OTOGL: variants seen among roughly 807,000 people sequenced by gnomAD.
OTOGL encodes otogelin like.
A neutral mutation model predicts 318.5 loss-of-function variants in OTOGL; 285 were observed. The observed-to-expected ratio is 0.89, with a 90% CI of 0.81 to 0.99. The LOEUF (loss-of-function observed/expected upper bound fraction) is 0.99, where lower values mean the gene tolerates loss of function less well. Ranked by LOEUF, OTOGL falls within the 50% of genes least tolerant of loss-of-function variation. OTOGL has a pLI of 0.00. For missense variants in OTOGL, 2,899 were observed against 2,845.6 expected, an observed-to-expected ratio of 1.02 and a Z score of -0.43; for synonymous variants, 987 against 936.5, an observed-to-expected ratio of 1.05 and a Z score of -0.99.
chr12:80,335,602 A>G (rs186488321), intron 38 of OTOGL, among the ~76,000 whole-genome samples: 120 of 152,228 alleles, frequency 7.9e-4, no homozygotes, highest in African/African-American at 2.8e-3. Context: ...ATTATGACAC[A>G]TGAAGTTATA....
Position 80,358,734 on chromosome 12 carries a change from A to G in OTOGL, c.6185A>G (p.Lys2062Arg). 2 of 1,613,088 alleles carry G rather than the reference A, an allele frequency of 1.2e-6. No homozygotes were observed. The highest frequency in any genetic ancestry group is 2.7e-5 in the African/African-American group (2 of 75,052). Reference sequence around the variant, plus strand: ...TGTGCAGAAGATATGAATCTTGTGAAAGAAAATGTATCTGGTCAATGTTGC... The same window carrying G: ...TGTGCAGAAGATATGAATCTTGTGAGAGAAAATGTATCTGGTCAATGTTGC... ...LNCAEDMNLV[K>R]ENVSGQCCPT... is the part of the protein sequence containing the mutation. Residue 2062 changes from lysine to arginine, a missense_variant, in exon 51 of 59, where the codon AAA (lysine) becomes AGA (arginine). Lys to Arg is a conservative substitution (Grantham distance 26, BLOSUM62 2). Transcript: ENST00000547103.
At chr12:80,191,686 A>G (rs542417049) in intron 1 of OTOGL, among the ~76,000 whole-genome samples, 1 of 152,358 alleles carries the variant, frequency 6.6e-6, no homozygotes, top group East Asian at 1.9e-4. Flanking sequence ...TATTGACAAC[A>G]GGTGGTGTTA....
At chr12:80,149,945 C>T (rs1172197131) in intron 1 of OTOGL, among the ~76,000 whole-genome samples, 1 of 152,146 alleles carries the variant, frequency 6.6e-6, no homozygotes, top group South Asian at 2.1e-4. Context: ...TGACCTGCGC[C>T]CACTGTCTGG....
At chr12:80,142,223 G>A (rs1592488520) in intron 1 of OTOGL, among the ~76,000 whole-genome samples, 1 of 152,186 alleles carries the variant, frequency 6.6e-6, no homozygotes, top group South Asian at 2.1e-4. Context: ...AATATAAACA[G>A]GTAAAATTAC....
chr12:80,174,913 C>T (rs1213862743), intron 1 of OTOGL, among the ~76,000 whole-genome samples: 1 of 149,806 alleles, frequency 6.7e-6, no homozygotes, highest in Non-Finnish European at 1.5e-5. Context: ...CAATAAGTGG[C>T]GAGGGCTAAA....
chr12:80,117,646 T>G (rs79225926), intron 1 of OTOGL, among the ~76,000 whole-genome samples: 7 of 152,292 alleles, frequency 4.6e-5, no homozygotes, highest in African/African-American at 1.7e-4. Context: ...ATCATTCACT[T>G]CCAAGAGTCC....
In OTOGL at chr12:80,296,847, A is replaced by G; in HGVS notation, c.2949A>G (p.Ile983Met). 2.6e-6 allele frequency: 4 copies of G among 1,515,002 alleles called. No individual in the cohort carries two copies. Among genetic ancestry groups the G allele is most frequent in the Non-Finnish European group, 3.5e-6 (4 of 1,129,606 alleles). 93.8% of individuals were successfully genotyped at this position (1,515,002 alleles called of 1,614,324 possible). ...FLIKSADDSDISVIAQNKKCF... is the reference protein window; with the variant it reads ...FLIKSADDSDMSVIAQNKKCF... ...TTCAGAGTGCAGATGATTCAGATAT[A>G]TCTGTCATTGCCCAGAACAAGAAAT... is the stretch of plus-strand genomic sequence containing the variant. The change falls in exon 27 of 59, where the codon ATA becomes ATG. Residue 983 changes from isoleucine (I) to methionine (M), a missense_variant. Ile to Met is a conservative substitution (Grantham distance 10). Transcript: ENST00000547103.
chr12:80,157,127 G>A (rs891951738), intron 1 of OTOGL, among the ~76,000 whole-genome samples: 3 of 151,942 alleles, frequency 2.0e-5, no homozygotes, highest in Non-Finnish European at 4.4e-5. Flanking sequence ...TTGGATATAA[G>A]CCATTTAATT....
intron 2 of OTOGL, among the ~76,000 whole-genome samples, chr12:80,210,524 T>C (rs2137309165): frequency 6.6e-6 from 1 of 152,246 alleles, no homozygotes; most frequent in Non-Finnish European, 1.5e-5. Context: ...TATGGTGTGC[T>C]TGGCATTTTG....
intron 1 of OTOGL, among the ~76,000 whole-genome samples, chr12:80,129,129 G>C (rs750126113): frequency 6.6e-6 from 1 of 152,146 alleles, no homozygotes; most frequent in Non-Finnish European, 1.5e-5. Context: ...CTTCTGCGTC[G>C]CTCATGCTGG....
At chr12:80,185,208 A>G (rs1170705302) in intron 1 of OTOGL, among the ~76,000 whole-genome samples, 1 of 152,112 alleles carries the variant, frequency 6.6e-6, no homozygotes, top group Non-Finnish European at 1.5e-5. Flanking sequence ...AACAGAGAGG[A>G]AGTAGGCATA....
At chr12:80,358,836 A>G (rs759595166) in intron 51 of OTOGL, 24 bp from the exon 52 acceptor site, 2 of 1,535,408 alleles carry the variant, frequency 1.3e-6, no homozygotes, top group Middle Eastern at 1.7e-4. Flanking sequence ...GATCAATGTA[A>G]ATATGTTGAT....
chr12:80,372,058 A>C lies in OTOGL; in HGVS notation c.6775A>C (p.Lys2259Gln), dbSNP rs1275713511. ...GAAGCTTTATAATGAAGGCTGTTGC[A>C]AGATCTGTAAGTGAGAGCATATTCC... Reference protein sequence around the residue: ...IVKLYNEGCCKICKREERICQ... With the variant: ...IVKLYNEGCCQICKREERICQ... The change falls in exon 57 of 59, where the codon AAG becomes CAG. Residue 2259 changes from lysine (K) to glutamine (Q), a missense_variant. This residue lies in a region of OTOGL where 289 missense variants were observed against 304.6 expected (regional missense o/e 0.95). Coordinates refer to ENST00000547103, the MANE Select transcript of OTOGL (RefSeq NM_001378609.3). 6.5e-7 allele frequency: 1 copy of C among 1,550,386 alleles called. No individual in the cohort carries two copies. Among genetic ancestry groups the C allele is most frequent in the African/African-American group, 1.4e-5 (1 of 72,600 alleles).
chr12:80,356,852 G>A lies in OTOGL; in HGVS notation c.5957G>A (p.Arg1986Lys), dbSNP rs1440977583. The A allele has an allele frequency of 6.2e-7, 1 of 1,600,044 alleles. No individual in the cohort carries two copies. The highest frequency in any genetic ancestry group is 8.5e-7 in the Non-Finnish European group (1 of 1,173,050). The stretch of plus-strand genomic sequence containing the variant: ...CCCAGTATTTCAACACCAGAATGCA[G>A]AGAAGATCAATTCATGATTCAAGTT... The part of the protein sequence containing the change: ...KCPSISTPEC[R>K]EDQFMIQVRQ... The change falls in exon 49 of 59, where the codon AGA becomes AAA. Residue 1986 changes from arginine to lysine, a missense_variant. Physicochemically the swap from Arg to Lys is conservative, Grantham distance 26. Coordinates refer to ENST00000547103, the MANE Select transcript of OTOGL (RefSeq NM_001378609.3).
At chr12:80,100,191 T>G (rs1405845942) in intron 1 of OTOGL, among the ~76,000 whole-genome samples, 3 of 152,176 alleles carry the variant, frequency 2.0e-5, no homozygotes, top group African/African-American at 7.2e-5. Context: ...GGACTTTCAG[T>G]TGCCCAACTA....
chr12:80,251,157 A>G (rs1881509864), intron 11 of OTOGL, among the ~76,000 whole-genome samples: 1 of 152,206 alleles, frequency 6.6e-6, no homozygotes. Context: ...TTGGATTCTT[A>G]TTGCAAGAAC....
intron 1 of OTOGL, among the ~76,000 whole-genome samples, chr12:80,174,045 T>C: frequency 6.6e-6 from 1 of 152,170 alleles, no homozygotes; most frequent in East Asian, 1.9e-4. Context: ...TCCACAACAG[T>C]AAAGCAAAAT....
chr12:80,154,384 C>T (rs928086903), intron 1 of OTOGL, among the ~76,000 whole-genome samples: 81 of 152,164 alleles, frequency 5.3e-4, no homozygotes, highest in African/African-American at 1.9e-3. Context: ...TTAAGCTCAA[C>T]TAATCAGAAA....
chr12:80,154,600 TA>T (rs976972791), intron 1 of OTOGL, among the ~76,000 whole-genome samples: 1 of 152,170 alleles, frequency 6.6e-6, no homozygotes, highest in African/African-American at 2.4e-5. Context: ...TCAAATACAT[TA>T]AAAAAAATTA....
Sources: allele counts gnomAD v4.1 joint callset (sites outside exome capture counted in the v4.1 genomes callset), GRCh38; gene constraint gnomAD v4.1.1; regional missense constraint gnomAD v4.1.1; transcripts MANE v1.5; gene names NCBI Gene and HGNC (gene_info 2026-07-23, HGNC 2026-07-21).